The following ACTC1 variants were observed in gnomAD, a reference collection of about 807,000 sequenced individuals.
ACTC1 encodes actin, alpha cardiac muscle 1.
Under a neutral mutation model 31.6 loss-of-function variants are expected in ACTC1, and 10 were observed. That is an observed-to-expected ratio of 0.32 (90% CI 0.19 to 0.54). ACTC1 has a LOEUF of 0.54. ACTC1 is among the 20% of genes least tolerant of loss of function. The probability of loss-of-function intolerance (pLI) is 0.95; values close to 1 mark genes in which losing one functional copy is unlikely to be tolerated. For synonymous variants in ACTC1, 196 were observed against 185.0 expected, an observed-to-expected ratio of 1.06 and a Z score of -0.48; for missense variants, 129 against 506.4, an observed-to-expected ratio of 0.25 and a Z score of 7.15.
intron 6 of ACTC1, 70 bp downstream of exon 6, chr15:34,791,044 A>C (rs1891693951): frequency 7.0e-7 from 1 of 1,421,196 alleles, no homozygotes; most frequent in African/African-American, 1.4e-5. Flanking sequence ...AGGGAAAAGG[A>C]ATTTGGAACG....
Position 34,793,148 on chromosome 15 carries a change from G to A in ACTC1, c.454+97C>T. 7.8e-7 allele frequency: 1 copy of A among 1,279,262 alleles called. No individual in the cohort carries two copies. The highest frequency in any genetic ancestry group is 1.1e-6 in the Non-Finnish European group (1 of 889,182). The allele number at this position is 1,279,262 out of a possible 1,614,324, so 79.2% of individuals were successfully genotyped here. A position where few individuals can be genotyped will look rare whatever the true frequency, so the allele number is the denominator to read the frequency against. ...GACCTTGCTAGGGAATGGGAGGAAA[G>A]GGATTATCCCTTTTTCAACTGGGGG... On this transcript the variant is annotated intron_variant, in intron 3 of 6. Coordinates refer to ENST00000290378, the MANE Select transcript of ACTC1 (RefSeq NM_005159.5). This position sits in a 1 kb window ranked among gnomAD's most constrained non-coding sequence, Gnocchi z 4.8.
Position 34,792,711 on chromosome 15 carries a change from CAA to C in ACTC1, c.455-144_455-143del. 1 of 871,828 alleles carries C rather than the reference CAA, an allele frequency of 1.1e-6. No individual in the cohort carries two copies. The highest frequency in any genetic ancestry group is 1.9e-6 in the Non-Finnish European group (1 of 538,020). The allele number at this position is 871,828 out of a possible 1,614,324, so 54.0% of individuals were successfully genotyped here. Reference sequence around the variant, plus strand: ...CAGATAAAATTAGATTCCTTACACACAAAGAATAAAAATGCGCATCAGGAATA... The same window carrying C: ...CAGATAAAATTAGATTCCTTACACACAGAATAAAAATGCGCATCAGGAATA... On this transcript the variant is annotated intron_variant, in intron 3 of 6. Coordinates refer to ENST00000290378, the MANE Select transcript of ACTC1 (RefSeq NM_005159.5). This position sits in a 1 kb window ranked among gnomAD's most constrained non-coding sequence, Gnocchi z 5.3.
At chr15:34,794,631 T>G (rs908574043) in intron 2 of ACTC1, 49 bp downstream of exon 2, 1 of 1,591,228 alleles carries the variant, frequency 6.3e-7, no homozygotes. Flanking sequence ...CCTAGATCGC[T>G]GGACTGAAGG....
At chr15:34,791,498 C>T (rs1451022702) in intron 5 of ACTC1, among the ~76,000 whole-genome samples, 1 of 152,186 alleles carries the variant, frequency 6.6e-6, no homozygotes, top group African/African-American at 2.4e-5. Context: ...ATCCACAATA[C>T]AATGCCAAGA....
At position 34,793,836 on chromosome 15, in the gene ACTC1, C is replaced by T. The variant is rs149670574; in HGVS notation, c.130-267G>A. Among the ~76,000 whole-genome samples, 41 of 152,328 alleles carry T rather than the reference C, an allele frequency of 2.7e-4. No homozygotes were observed. In the East Asian group the frequency reaches 6.2e-3, roughly 23 times the overall value. On this transcript the variant is annotated intron_variant, in intron 2 of 6. Coordinates refer to ENST00000290378, the MANE Select transcript of ACTC1 (RefSeq NM_005159.5). The surrounding 1 kb of genome is among the most constrained non-coding windows in gnomAD (Gnocchi z 4.8). ...ATTCCACTGAAGAAGCAGAGCCTCA[C>T]CTCACCTTAAAAATATCATATGCCT...
At chr15:34,790,716 A>C (rs1891686653) in intron 6 of ACTC1, among the ~76,000 whole-genome samples, 161 bp from the exon 7 acceptor site, 1 of 152,194 alleles carries the variant, frequency 6.6e-6, no homozygotes, top group Non-Finnish European at 1.5e-5. Flanking sequence ...AAGTTATATG[A>C]ACTCACCTCT....
chr15:34,793,069 T>C lies in ACTC1; in HGVS notation c.454+176A>G, dbSNP rs1051903521. 6.6e-6 allele frequency among the ~76,000 whole-genome samples: 1 copy of C among 152,132 alleles called. No individual in the cohort carries two copies. The highest frequency in any genetic ancestry group is 2.1e-4 in the South Asian group (1 of 4,828). ...CACAAGCTATCAGCTCCAACAATAA[T>C]TGTGCTCCGAAACTAACCTCAGGGC... On this transcript the variant is annotated intron_variant, in intron 3 of 6. Transcript: ENST00000290378. The surrounding 1 kb of genome is among the most constrained non-coding windows in gnomAD (Gnocchi z 4.8).
chr15:34,793,627 G>A lies in ACTC1; in HGVS notation c.130-58C>T. 6.6e-7 allele frequency: 1 copy of A among 1,507,028 alleles called. No individual in the cohort carries two copies. Among genetic ancestry groups the A allele is most frequent in the East Asian group, 2.3e-5 (1 of 44,078 alleles). 93.4% of individuals were successfully genotyped at this position (1,507,028 alleles called of 1,614,324 possible). The stretch of plus-strand genomic sequence containing the variant: ...TCACCATGTCAGGAATATAATCAGT[G>A]TCTTGTCCATTTATATCTAACTGCC... On this transcript the variant is annotated intron_variant, in intron 2 of 6. Coordinates refer to ENST00000290378, the MANE Select transcript of ACTC1 (RefSeq NM_005159.5). The surrounding 1 kb of genome is among the most constrained non-coding windows in gnomAD (Gnocchi z 4.8).
In ACTC1 at chr15:34,792,366, A is replaced by G. The variant is rs974754965; in HGVS notation, c.616+42T>C. 1.9e-6 allele frequency: 3 copies of G among 1,614,042 alleles called. No homozygotes were observed. The highest frequency in any genetic ancestry group is 2.5e-6 in the Non-Finnish European group (3 of 1,179,990). On this transcript the variant is annotated intron_variant, in intron 4 of 6. Transcript: ENST00000290378. The surrounding 1 kb of genome is among the most constrained non-coding windows in gnomAD (Gnocchi z 5.3). ...TAGGCGGATTCAGTGAGAGAGGAGG[A>G]AAGCAGACCCACACTGTGGCAGATG...
Position 34,790,283 on chromosome 15 carries a change from C to T in ACTC1, c.*129G>A. 1 of 1,234,982 alleles carries T rather than the reference C, an allele frequency of 8.1e-7. No homozygotes were observed. Among genetic ancestry groups the T allele is most frequent in the East Asian group, 2.4e-5 (1 of 42,384 alleles). The allele number at this position is 1,234,982 out of a possible 1,614,324, so 76.5% of individuals were successfully genotyped here. A position where few individuals can be genotyped will look rare whatever the true frequency, so the allele number is the denominator to read the frequency against. On this transcript the variant is annotated 3_prime_UTR_variant, in exon 7 of 7. Transcript: ENST00000290378. ...TATAAAGCAATAAATATTAGAAGCA[C>T]AAACAAATTGCACGTGTGTAAACAA...
chr15:34,791,708 C>T (rs567109682), intron 5 of ACTC1: 74 of 344,838 alleles, frequency 2.1e-4, no homozygotes, highest in African/African-American at 1.5e-3. Context: ...CATATAAGTG[C>T]CCAGTTATTA....
chr15:34,792,610 G>C lies in ACTC1; in HGVS notation c.455-41C>G. 1 of 1,611,908 alleles carries C rather than the reference G, an allele frequency of 6.2e-7. No homozygotes were observed. Among genetic ancestry groups the C allele is most frequent in the Non-Finnish European group, 8.5e-7 (1 of 1,178,080 alleles). ...GACAAGAACAAGGTAAATTCCTGAG[G>C]ACAACACCACTGCTCTAGCCACGGC... On this transcript the variant is annotated intron_variant, in intron 3 of 6. Coordinates refer to ENST00000290378, the MANE Select transcript of ACTC1 (RefSeq NM_005159.5). This position sits in a 1 kb window ranked among gnomAD's most constrained non-coding sequence, Gnocchi z 5.3.
At position 34,792,895 on chromosome 15, in the gene ACTC1, C is replaced by T; in HGVS notation, c.455-326G>A. 2.0e-6 allele frequency: 1 copy of T among 505,610 alleles called. No individual in the cohort carries two copies. The highest frequency in any genetic ancestry group is 3.6e-6 in the Non-Finnish European group (1 of 279,238). The allele number at this position is 505,610 out of a possible 1,614,324, so 31.3% of individuals were successfully genotyped here. On this transcript the variant is annotated intron_variant, in intron 3 of 6. Transcript: ENST00000290378. This position sits in a 1 kb window ranked among gnomAD's most constrained non-coding sequence, Gnocchi z 5.3. The stretch of plus-strand genomic sequence containing the variant: ...TTGCTCCTATTGAACTTACACGTTT[C>T]TCTCTCTTTTGACTCAGACCCTGTA...
Position 34,792,442 on chromosome 15 carries a change from G to A in ACTC1, c.582C>T (p.Ile194=). The stretch of plus-strand genomic sequence containing the variant: ...CAAAGGAGTAGCCACGCTCAGTGAG[G>A]ATCTTCATGAGGTAGTCAGTGAGGT... ...GRDLTDYLMK[I]LTERGYSFVT... Residue 194 remains isoleucine, a synonymous_variant, in exon 4 of 7, where the codon ATC becomes ATT. Coordinates refer to ENST00000290378, the MANE Select transcript of ACTC1 (RefSeq NM_005159.5). This position sits in a 1 kb window ranked among gnomAD's most constrained non-coding sequence, Gnocchi z 5.3. The A allele has an allele frequency of 1.2e-6, 2 of 1,614,174 alleles. No individual in the cohort carries two copies. The highest frequency in any genetic ancestry group is 8.5e-7 in the Non-Finnish European group (1 of 1,180,032).
chr15:34,790,900 T>C lies in ACTC1; in HGVS notation c.990+214A>G, dbSNP rs183854208. On this transcript the variant is annotated intron_variant, in intron 6 of 6. Coordinates refer to ENST00000290378, the MANE Select transcript of ACTC1 (RefSeq NM_005159.5). ...TGCGTGTGTGTGTGTCTTTTTTTTG[T>C]CAAAGATTTATTTTTATTCACTGCT... Among the ~76,000 whole-genome samples, 6 of 152,256 alleles carry C rather than the reference T, an allele frequency of 3.9e-5. No individual in the cohort carries two copies. In the East Asian group the frequency reaches 9.7e-4, roughly 25 times the overall value.
In ACTC1 at chr15:34,790,331, A is replaced by T. The variant is rs1891676352; in HGVS notation, c.*81T>A. On this transcript the variant is annotated 3_prime_UTR_variant, in exon 7 of 7. Transcript: ENST00000290378. Reference sequence around the variant, plus strand: ...CAAACTGTACAATGATTGATGAAAGATGAGGGAAGGTGGTTTGGAAGACTC... The same window carrying T: ...CAAACTGTACAATGATTGATGAAAGTTGAGGGAAGGTGGTTTGGAAGACTC... 17 of 1,527,116 alleles carry T rather than the reference A, an allele frequency of 1.1e-5. No homozygotes were observed. 94.6% of individuals were successfully genotyped at this position (1,527,116 alleles called of 1,614,324 possible). A position where few individuals can be genotyped will look rare whatever the true frequency, so the allele number is the denominator to read the frequency against.
At position 34,792,635 on chromosome 15, in the gene ACTC1, C is replaced by T. The variant is rs1013199080; in HGVS notation, c.455-66G>A. On this transcript the variant is annotated intron_variant, in intron 3 of 6. Coordinates refer to ENST00000290378, the MANE Select transcript of ACTC1 (RefSeq NM_005159.5). The surrounding 1 kb of genome is among the most constrained non-coding windows in gnomAD (Gnocchi z 5.3). Reference sequence around the variant, plus strand: ...GACAACACCACTGCTCTAGCCACGGCAAAGCCCGCTTCCAATCTTGGCTAA... The same window carrying T: ...GACAACACCACTGCTCTAGCCACGGTAAAGCCCGCTTCCAATCTTGGCTAA... The T allele has an allele frequency of 5.1e-5, 80 of 1,570,178 alleles. No homozygotes were observed. The highest frequency in any genetic ancestry group is 6.8e-5 in the Non-Finnish European group (78 of 1,141,182).
chr15:34,792,949 C>T lies in ACTC1; in HGVS notation c.454+296G>A, dbSNP rs1255586508. The T allele has an allele frequency of 3.8e-6, 2 of 524,372 alleles. No individual in the cohort carries two copies. The highest frequency in any genetic ancestry group is 6.9e-6 in the Non-Finnish European group (2 of 291,286). The allele number at this position is 524,372 out of a possible 1,614,324, so 32.5% of individuals were successfully genotyped here. A position where few individuals can be genotyped will look rare whatever the true frequency, so the allele number is the denominator to read the frequency against. On this transcript the variant is annotated intron_variant, in intron 3 of 6. Coordinates refer to ENST00000290378, the MANE Select transcript of ACTC1 (RefSeq NM_005159.5). This position sits in a 1 kb window ranked among gnomAD's most constrained non-coding sequence, Gnocchi z 5.3. The stretch of plus-strand genomic sequence containing the variant: ...AATGTATTCTCCTTGGGGATGCTTG[C>T]CCAGGTGATGTGATGGTTTAAACAC...
intron 6 of ACTC1, 50 bp from the exon 7 acceptor site, chr15:34,790,605 G>A (rs772344965): frequency 3.1e-6 from 5 of 1,608,898 alleles, no homozygotes; most frequent in Non-Finnish European, 4.3e-6. Context: ...TTCCAAGCAA[G>A]GGAGCAAATA....
Sources: gnomAD v4.1 joint callset for allele counts (sites outside exome capture counted in the v4.1 genomes callset) on GRCh38, gnomAD v4.1.1 for gene constraint, Gnocchi (gnomAD v3.1) non-coding constraint, MANE v1.5 for transcripts, NCBI Gene and HGNC (gene_info 2026-07-23, HGNC 2026-07-21) for gene names.